Variants in TENM2 observed in about 807,000 individuals in gnomAD.
The protein encoded by TENM2 is teneurin transmembrane protein 2.
TENM2 carries 52 observed loss-of-function variants against 245.2 expected under a neutral mutation model. That is an observed-to-expected ratio of 0.21 (90% CI 0.17 to 0.27). The LOEUF (loss-of-function observed/expected upper bound fraction) is 0.27, where lower values mean the gene tolerates loss of function less well. Ranked by LOEUF, TENM2 falls within the 10% of genes least tolerant of loss-of-function variation. The pLI, the probability that TENM2 is intolerant of heterozygous loss-of-function variation, is 1.00. For synonymous variants in TENM2, 1,363 were observed against 1,438.9 expected (o/e 0.95, Z 1.19); for missense variants, 3,046 against 3,666.8 (o/e 0.83, Z 4.37).
chr5:167,247,508 T>G, the TENM2 span, among the ~76,000 whole-genome samples: 1 of 152,156 alleles, frequency 6.6e-6, no homozygotes, highest in South Asian at 2.1e-4. Context: ...AACACATTTG[T>G]GTTGGAGGAA....
At chr5:167,588,107 C>T (rs1225699123) in intron 2 of TENM2, among the ~76,000 whole-genome samples, 1 of 152,214 alleles carries the variant, frequency 6.6e-6, no homozygotes, top group African/African-American at 2.4e-5. Flanking sequence ...TCACTGTTCA[C>T]CTTCTCAGAG....
intron 2 of TENM2, among the ~76,000 whole-genome samples, chr5:167,393,236 A>T (rs1761865532): frequency 1.3e-5 from 2 of 152,030 alleles, no homozygotes; most frequent in African/African-American, 4.8e-5. Flanking sequence ...GAAGGGAGGG[A>T]TGAAGGAAAT....
At chr5:168,195,083 G>A in intron 14 of TENM2, 93 bp from the exon 17 acceptor site, 2 of 1,437,442 alleles carry the variant, frequency 1.4e-6, no homozygotes, top group African/African-American at 1.4e-5. Flanking sequence ...CCTTGCCTGA[G>A]GGACCAGATG....
At chr5:167,282,074 A>T (rs1033198876), upstream of TENM2, among the ~76,000 whole-genome samples, 3 of 152,100 alleles carry the variant, frequency 2.0e-5, no homozygotes, top group Admixed American at 6.6e-5. Flanking sequence ...CTAAAATAAA[A>T]GCATACACAC....
intron 2 of TENM2, among the ~76,000 whole-genome samples, chr5:167,668,684 G>C (rs537517906): frequency 1.4e-4 from 21 of 152,218 alleles, no homozygotes; most frequent in Non-Finnish European, 2.4e-4. Flanking sequence ...TGTAAGCACA[G>C]TGGCTCAAAA....
chr5:167,516,844 C>A (rs1157881574), intron 2 of TENM2, among the ~76,000 whole-genome samples: 1 of 152,164 alleles, frequency 6.6e-6, no homozygotes, highest in Non-Finnish European at 1.5e-5. Context: ...TATCAGAACA[C>A]CTGTTTGCTT....
chr5:166,984,566 A>G, the TENM2 span, among the ~76,000 whole-genome samples: 6 of 152,172 alleles, frequency 3.9e-5, no homozygotes, highest in African/African-American at 1.2e-4. Flanking sequence ...AGAAAATTGT[A>G]TAAGCTGCTT....
At chr5:167,465,242 T>G (rs994704020) in intron 2 of TENM2, among the ~76,000 whole-genome samples, 1 of 152,368 alleles carries the variant, frequency 6.6e-6, no homozygotes, top group Admixed American at 6.5e-5. Flanking sequence ...CATTCTAATA[T>G]GGCTTTTTTC....
intron 13 of TENM2, among the ~76,000 whole-genome samples, chr5:168,166,147 T>G (rs1399697837): frequency 6.6e-6 from 1 of 152,090 alleles, no homozygotes; most frequent in Admixed American, 6.5e-5. Context: ...TCCTGCTTCG[T>G]GAGTTATCAG....
chr5:167,102,232 C>CA, the TENM2 span, among the ~76,000 whole-genome samples: 1 of 151,358 alleles, frequency 6.6e-6, no homozygotes, highest in Non-Finnish European at 1.5e-5. Flanking sequence ...TCTCAAAAAA[C>CA]AAAAAAATTA....
the TENM2 span, among the ~76,000 whole-genome samples, chr5:167,149,982 G>T: frequency 6.6e-6 from 1 of 152,120 alleles, no homozygotes; most frequent in African/African-American, 2.4e-5. Flanking sequence ...AGAATGAAAA[G>T]ATAAAAGGAA....
chr5:167,984,400 G>A (rs1037770420), intron 4 of TENM2, among the ~76,000 whole-genome samples: 6 of 152,156 alleles, frequency 3.9e-5, no homozygotes, highest in Admixed American at 3.3e-4. Context: ...GCTCATGCCC[G>A]TAATTCTAGC....
chr5:167,361,090 G>A (rs945414660), intron 1 of TENM2, among the ~76,000 whole-genome samples: 18 of 152,098 alleles, frequency 1.2e-4, no homozygotes, highest in African/African-American at 4.1e-4. Context: ...ATATGAGCAG[G>A]GACATGCTGA....
chr5:167,284,801 T>C (rs771997303), exon 1 of TENM2: 1 of 1,512,756 alleles, frequency 6.6e-7, no homozygotes, highest in Admixed American at 2.0e-5. Context: ...AGGCCTGACT[T>C]TTCTGAAAAC....
intron 7 of TENM2, among the ~76,000 whole-genome samples, chr5:168,069,156 G>T (rs1460896503): frequency 6.6e-6 from 1 of 152,104 alleles, no homozygotes; most frequent in East Asian, 1.9e-4. Flanking sequence ...ATGTGCCTCT[G>T]CTCTGCCTGG....
chr5:167,988,832 GAAGA>G (rs772014885), intron 4 of TENM2, among the ~76,000 whole-genome samples: 3 of 152,174 alleles, frequency 2.0e-5, no homozygotes, highest in Non-Finnish European at 2.9e-5. Flanking sequence ...TTTATTTTTA[GAAGA>G]AAGTGTAGAA....
chr5:167,430,308 G>T (rs935156803), intron 2 of TENM2, among the ~76,000 whole-genome samples: 7 of 152,072 alleles, frequency 4.6e-5, no homozygotes, highest in Non-Finnish European at 7.4e-5. Context: ...AATCAAACTC[G>T]TACGGTAGAG....
At chr5:167,010,689 C>T in the TENM2 span, among the ~76,000 whole-genome samples, 151,273 of 152,348 alleles carry the variant, frequency 0.99, 75,139 homozygotes, top group Middle Eastern at 1. Context: ...TGGTGTTTTC[C>T]ATTTCTTCCA....
chr5:168,225,800 G>C (rs1474852406), intron 23 of TENM2, among the ~76,000 whole-genome samples: 2 of 151,122 alleles, frequency 1.3e-5, no homozygotes, highest in Non-Finnish European at 3.0e-5. Flanking sequence ...AGAAAAGTAA[G>C]AGAAGCTCAC....
Sources: allele counts gnomAD v4.1 joint callset (sites outside exome capture counted in the v4.1 genomes callset), GRCh38; gene constraint gnomAD v4.1.1; transcripts MANE v1.5; gene names NCBI Gene and HGNC (gene_info 2026-07-23, HGNC 2026-07-21).